CAMSAP2: variants seen among roughly 807,000 people sequenced by gnomAD.
CAMSAP2 encodes the protein calmodulin regulated spectrin associated protein family member 2.
In CAMSAP2, 26 loss-of-function variants were observed where a neutral mutation model predicts 146.1. That is an observed-to-expected ratio of 0.18 (90% CI 0.13 to 0.25). CAMSAP2 has a LOEUF of 0.25. CAMSAP2 is among the 10% of genes least tolerant of loss of function. CAMSAP2 has a pLI of 1.00. For synonymous variants in CAMSAP2, 499 were observed against 596.6 expected (o/e 0.84, Z 2.38); for missense variants, 1,381 against 1,759.3 (o/e 0.78, Z 3.85).
At chr1:200,851,740 A>G (rs1392608678) in intron 11 of CAMSAP2, among the ~76,000 whole-genome samples, 1 of 152,140 alleles carries the variant, frequency 6.6e-6, no homozygotes, top group Non-Finnish European at 1.5e-5. Flanking sequence ...TATATGTAAT[A>G]TCTGACACTA....
At chr1:200,757,744 G>A (rs1236082080) in intron 1 of CAMSAP2, among the ~76,000 whole-genome samples, 1 of 152,154 alleles carries the variant, frequency 6.6e-6, no homozygotes, top group African/African-American at 2.4e-5. Flanking sequence ...TTTATATTCA[G>A]TATGAAGTTT....
Position 200,849,987 on chromosome 1 carries a change from T to C in CAMSAP2, c.3218T>C (p.Leu1073Pro). The change falls in exon 11 of 17, where the codon CTA (leucine) becomes CCA (proline). Residue 1073 changes from leucine (L) to proline (P), a missense_variant. Physicochemically the swap from Leu to Pro is moderately conservative, Grantham distance 98 (BLOSUM62 -3). Transcript: ENST00000358823. This position sits in a 1 kb window ranked among gnomAD's most constrained non-coding sequence, Gnocchi z 6.3. ...KPFESTVSEV[L>P]SLPVTETVCL... The stretch of plus-strand genomic sequence containing the variant: ...TTTGAGTCAACAGTCTCTGAAGTCC[T>C]ATCACTGCCTGTCACAGAGACTGTA... The C allele has an allele frequency of 6.2e-7, 1 of 1,614,160 alleles. No homozygotes were observed. Among genetic ancestry groups the C allele is most frequent in the Middle Eastern group, 1.6e-4 (1 of 6,062 alleles).
chr1:200,816,409 A>G (rs1257488072), intron 4 of CAMSAP2, among the ~76,000 whole-genome samples: 1 of 151,228 alleles, frequency 6.6e-6, no homozygotes, highest in East Asian at 2.0e-4. Context: ...CCTGCCCAAC[A>G]TAGTAAAACC....
At chr1:200,742,323 T>C (rs1050280931) in intron 1 of CAMSAP2, among the ~76,000 whole-genome samples, 8 of 152,220 alleles carry the variant, frequency 5.3e-5, no homozygotes, top group African/African-American at 2.4e-5. Flanking sequence ...GATGATATTG[T>C]TGGCTATTAC....
intron 2 of CAMSAP2, among the ~76,000 whole-genome samples, chr1:200,785,091 C>T (rs1306038077): frequency 5.9e-5 from 9 of 152,072 alleles, no homozygotes; most frequent in Admixed American, 5.9e-4. Context: ...GTCTTGAATT[C>T]CTGGAGTTAA....
rs1664783463 is a variant in CAMSAP2 at position 200,760,986 on chromosome 1, C to T, written c.287C>T (p.Pro96Leu). The change falls in exon 2 of 17, where the codon CCC becomes CTC. Residue 96 changes from proline (P) to leucine (L), a missense_variant. Transcript: ENST00000358823. ...SLILKSDAAK[P>L]LLGHDAVIQA... ...ATTCTCAAGAGTGATGCTGCAAAACCCCTTTTGGGCCATGATGCTGTAATC... is the reference window on the plus strand; with the variant it reads ...ATTCTCAAGAGTGATGCTGCAAAACTCCTTTTGGGCCATGATGCTGTAATC... 1.2e-6 allele frequency: 2 copies of T among 1,613,964 alleles called. No homozygotes were observed. The highest frequency in any genetic ancestry group is 2.7e-5 in the African/African-American group (2 of 74,884).
rs1296147185 is a variant in CAMSAP2, at chr1:200,848,084, G to A, written c.1315G>A (p.Val439Ile). 1.7e-5 allele frequency: 27 copies of A among 1,601,252 alleles called. No homozygotes were observed. Among genetic ancestry groups the A allele is most frequent in the African/African-American group, 2.7e-5 (2 of 74,352 alleles). ...FDISFDKEDS[V>I]QRSTPNRGIT... The stretch of plus-strand genomic sequence containing the variant: ...TATTTCTTTTGATAAAGAAGATAGT[G>A]TACAGAGATCCACTCCAAACCGAGG... Residue 439 changes from valine to isoleucine, a missense_variant, in exon 11 of 17, where the codon GTA becomes ATA. Val to Ile is a conservative substitution (Grantham distance 29, BLOSUM62 3). This residue lies in a region of CAMSAP2 where 447 missense variants were observed against 462.2 expected (regional missense o/e 0.97). Transcript: ENST00000358823.
intron 2 of CAMSAP2, among the ~76,000 whole-genome samples, chr1:200,801,692 C>T (rs1253965439): frequency 6.6e-6 from 1 of 152,200 alleles, no homozygotes; most frequent in East Asian, 1.9e-4. Flanking sequence ...GATTTTCAAT[C>T]TCTGATATCC....
rs1224536512 is a variant in CAMSAP2 at position 200,853,006 on chromosome 1, C to T, written c.3603-269C>T. 1.9e-5 allele frequency among the ~76,000 whole-genome samples: 1 copy of T among 51,582 alleles called. No individual in the cohort carries two copies. The highest frequency in any genetic ancestry group is 5.8e-5 in the Non-Finnish European group (1 of 17,216). 33.8% of individuals were successfully genotyped at this position (51,582 alleles called of 152,430 possible). ...AAATAACTTTCCTGGGAGATACACA[C>T]ACACACACACACACACACACACACG... On this transcript the variant is annotated intron_variant, in intron 12 of 16. Transcript: ENST00000358823. The surrounding 1 kb of genome is among the most constrained non-coding windows in gnomAD (Gnocchi z 5.1).
chr1:200,740,790 C>G (rs1269162010), intron 1 of CAMSAP2, among the ~76,000 whole-genome samples: 1 of 152,000 alleles, frequency 6.6e-6, no homozygotes, highest in Non-Finnish European at 1.5e-5. Flanking sequence ...AAGGGCCTCC[C>G]GTTATGATTC....
At chr1:200,805,568 C>T (rs559338305) in intron 2 of CAMSAP2, among the ~76,000 whole-genome samples, 3 of 152,092 alleles carry the variant, frequency 2.0e-5, no homozygotes, top group Non-Finnish European at 4.4e-5. Flanking sequence ...GTGCTGATGC[C>T]GTACTTTAGA....
At chr1:200,768,656 T>TTG (rs1558168360) in intron 2 of CAMSAP2, among the ~76,000 whole-genome samples, 423 of 152,064 alleles carry the variant, frequency 2.8e-3, no homozygotes, top group African/African-American at 9.4e-3. Context: ...AGACTTTTTT[T>TTG]TTGTTGTTGT....
chr1:200,797,955 C>T (rs1466406831), intron 2 of CAMSAP2, among the ~76,000 whole-genome samples: 6 of 152,202 alleles, frequency 3.9e-5, no homozygotes, highest in African/African-American at 1.2e-4. Flanking sequence ...ATGTTTTTGT[C>T]AGGTTTGTCA....
At chr1:200,752,603 T>A (rs1664537736) in intron 1 of CAMSAP2, among the ~76,000 whole-genome samples, 1 of 152,004 alleles carries the variant, frequency 6.6e-6, no homozygotes, top group African/African-American at 2.4e-5. Context: ...TGCTTTGCAT[T>A]TAGTTGTCAT....
At chr1:200,758,739 ATTTTCAT>A (rs1304900964) in intron 1 of CAMSAP2, among the ~76,000 whole-genome samples, 2 of 151,922 alleles carry the variant, frequency 1.3e-5, no homozygotes, top group Non-Finnish European at 2.9e-5. Flanking sequence ...GCTGCCTCTG[ATTTTCAT>A]TTTTCTATTA....
chr1:200,813,595 T>C (rs1666394014), intron 3 of CAMSAP2, among the ~76,000 whole-genome samples: 2 of 152,342 alleles, frequency 1.3e-5, no homozygotes, highest in South Asian at 2.1e-4. Flanking sequence ...ATTCAGTAGA[T>C]ATCTGTTGAA....
intron 9 of CAMSAP2, 115 bp downstream of exon 9, chr1:200,847,407 G>T (rs1667487071): frequency 2.5e-6 from 2 of 785,128 alleles, no homozygotes; most frequent in African/African-American, 3.5e-5. Flanking sequence ...GTGTGTGTGT[G>T]TGTTTTTTTG....
rs1344163229 is a variant in CAMSAP2 at position 200,853,942 on chromosome 1, A to C, written c.3823+447A>C. Among the ~76,000 whole-genome samples the C allele has an allele frequency of 6.6e-6, 1 of 152,178 alleles. No homozygotes were observed. The highest frequency in any genetic ancestry group is 1.5e-5 in the Non-Finnish European group (1 of 68,024). ...ACTTATAATATCTGGAGTTGAGAGA[A>C]TATATTTTCTTTAAAAGTCAGTATA... On this transcript the variant is annotated intron_variant, in intron 13 of 16. Coordinates refer to ENST00000358823, the MANE Select transcript of CAMSAP2 (RefSeq NM_203459.4). The surrounding 1 kb of genome is among the most constrained non-coding windows in gnomAD (Gnocchi z 5.1).
intron 8 of CAMSAP2, among the ~76,000 whole-genome samples, chr1:200,846,802 T>C (rs1049807727): frequency 1.3e-5 from 2 of 152,338 alleles, no homozygotes; most frequent in Non-Finnish European, 2.9e-5. Flanking sequence ...GTTGGAGATA[T>C]ACAAACAGGT....
Sources: allele counts gnomAD v4.1 joint callset (sites outside exome capture counted in the v4.1 genomes callset), GRCh38; gene constraint gnomAD v4.1.1; regional missense constraint gnomAD v4.1.1; non-coding constraint Gnocchi (gnomAD v3.1); transcripts MANE v1.5; gene names NCBI Gene and HGNC (gene_info 2026-07-23, HGNC 2026-07-21).